NPHP4: variants seen among roughly 807,000 people sequenced by gnomAD.
The protein encoded by NPHP4 is nephrocystin-4.
In NPHP4, 151 loss-of-function variants were observed where a neutral mutation model predicts 155.8. The ratio of observed to expected loss-of-function variants is 0.97; its 90% CI spans 0.85 to 1.11. The LOEUF (loss-of-function observed/expected upper bound fraction) is 1.11, where lower values mean the gene tolerates loss of function less well. NPHP4 is among the 50% of genes least tolerant of loss of function. The pLI, the probability that NPHP4 is intolerant of heterozygous loss-of-function variation, is 0.00. For synonymous variants in NPHP4, 845 were observed against 816.8 expected (o/e 1.03, Z -0.59); for missense variants, 1,956 against 1,925.7 (o/e 1.02, Z -0.29).
At chr1:5,986,072 C>G in intron 2 of NPHP4, 83 bp downstream of exon 2, 1 of 1,489,492 alleles carries the variant, frequency 6.7e-7, no homozygotes, top group South Asian at 1.2e-5. Context: ...GCATCGTAAG[C>G]CAGGGACCAT....
chr1:5,983,169 G>C (rs1654985528), intron 2 of NPHP4, among the ~76,000 whole-genome samples: 1 of 152,192 alleles, frequency 6.6e-6, no homozygotes, highest in Non-Finnish European at 1.5e-5. Context: ...ATAATTGAGA[G>C]AAGAAGAGTT....
chr1:5,863,357 G>C lies in NPHP4; in HGVS notation c.4189C>G (p.Gln1397Glu). Residue 1397 changes from glutamine to glutamate, a missense_variant, in exon 30 of 30, where the codon CAG becomes GAG. Coordinates refer to ENST00000378156, the MANE Select transcript of NPHP4 (RefSeq NM_015102.5). ...AGGATCTCCTCCTCACCCACTCTCT[G>C]ACTAGGCGCAAACTGCAAGCCGATG... ...YTIGLQFAPS[Q>E]RVGEEEILIY... 1 of 1,613,958 alleles carries C rather than the reference G, an allele frequency of 6.2e-7. No homozygotes were observed. The highest frequency in any genetic ancestry group is 8.5e-7 in the Non-Finnish European group (1 of 1,179,860).
intron 7 of NPHP4, among the ~76,000 whole-genome samples, chr1:5,949,039 T>C (rs1376341222): frequency 6.6e-6 from 1 of 152,180 alleles, no homozygotes; most frequent in Non-Finnish European, 1.5e-5. Context: ...ATAACGAAAA[T>C]AAAACTATGC....
chr1:5,970,962 G>A (rs1231845715), intron 3 of NPHP4, among the ~76,000 whole-genome samples: 1 of 152,170 alleles, frequency 6.6e-6, no homozygotes, highest in Non-Finnish European at 1.5e-5. Flanking sequence ...TTGTTTCCAA[G>A]ACTCCAGAAC....
At position 5,868,270 on chromosome 1, in the gene NPHP4, C is replaced by A. The variant is rs1014982578; in HGVS notation, c.3316-374G>T. 4 of 363,636 alleles carry A rather than the reference C, an allele frequency of 1.1e-5. No individual in the cohort carries two copies. In the Admixed American group the frequency reaches 1.2e-4, roughly 10 times the overall value. The allele number at this position is 363,636 out of a possible 1,614,324, so 22.5% of individuals were successfully genotyped here. On this transcript the variant is annotated intron_variant, in intron 23 of 29. Transcript: ENST00000378156. ...CCTGTGTGCATGTGCGCAAGTCAGGCCAGGAGGTCCTGGAGTGGGTGGTGG... is the reference window on the plus strand; with the variant it reads ...CCTGTGTGCATGTGCGCAAGTCAGGACAGGAGGTCCTGGAGTGGGTGGTGG...
chr1:5,977,100 G>A (rs1018419524), intron 3 of NPHP4, among the ~76,000 whole-genome samples: 3 of 152,098 alleles, frequency 2.0e-5, no homozygotes, highest in African/African-American at 7.2e-5. Flanking sequence ...CACCCGTCGT[G>A]CTCAGACACC....
At chr1:5,953,069 GTTGTT>G (rs138949531) in intron 6 of NPHP4, among the ~76,000 whole-genome samples, 1,717 of 151,700 alleles carry the variant, frequency 0.011, 32 homozygotes, top group African/African-American at 0.039. Flanking sequence ...CAGTTTTTCT[GTTGTT>G]TTGTTTTTCA....
intron 7 of NPHP4, among the ~76,000 whole-genome samples, chr1:5,952,166 C>A (rs916515912): frequency 9.2e-5 from 14 of 152,296 alleles, no homozygotes; most frequent in African/African-American, 3.1e-4. Flanking sequence ...GCCGAGGGGA[C>A]AGTGAGTCTG....
chr1:5,868,443 G>A lies in NPHP4; in HGVS notation c.3316-547C>T, dbSNP rs572373536. On this transcript the variant is annotated intron_variant, in intron 23 of 29. Coordinates refer to ENST00000378156, the MANE Select transcript of NPHP4 (RefSeq NM_015102.5). ...CATTAAAAACCATATTGTCTGAAGA[G>A]GTATTAATTGGGACAACTGATAAAA... 3.7e-5 allele frequency: 9 copies of A among 242,124 alleles called. No homozygotes were observed. The East Asian group carries it at 7.4e-4, about 20-fold the overall frequency. The allele number at this position is 242,124 out of a possible 1,614,324, so 15.0% of individuals were successfully genotyped here.
chr1:5,950,903 T>C (rs997823209), intron 7 of NPHP4, among the ~76,000 whole-genome samples: 1 of 152,182 alleles, frequency 6.6e-6, no homozygotes, highest in African/African-American at 2.4e-5. Flanking sequence ...TAAATCCTGG[T>C]GCCCTCACAC....
chr1:5,933,946 G>A lies in NPHP4; in HGVS notation c.1120-617C>T, dbSNP rs575658790. The stretch of plus-strand genomic sequence containing the variant: ...TCTGCTTCTCTCTGGCTGGCCAAAT[G>A]GAAGGAATGAGGACACTGTGAAAAC... On this transcript the variant is annotated intron_variant, in intron 9 of 29. Transcript: ENST00000378156. 2.6e-5 allele frequency among the ~76,000 whole-genome samples: 4 copies of A among 152,254 alleles called. No homozygotes were observed. The South Asian group carries it at 8.3e-4, about 32-fold the overall frequency.
chr1:5,873,382 G>C, intron 22 of NPHP4, 47 bp from the exon 23 acceptor site: 1 of 1,486,916 alleles, frequency 6.7e-7, no homozygotes, highest in Non-Finnish European at 9.4e-7. Context: ...AACACCATTA[G>C]GCGACCAGCA....
intron 3 of NPHP4, among the ~76,000 whole-genome samples, chr1:5,977,185 C>T (rs962110165): frequency 6.6e-6 from 1 of 152,090 alleles, no homozygotes; most frequent in Non-Finnish European, 1.5e-5. Context: ...TCCATGACAT[C>T]GCCGGCTGTT....
At chr1:5,883,163 A>G (rs1040250553) in intron 18 of NPHP4, among the ~76,000 whole-genome samples, 2 of 152,208 alleles carry the variant, frequency 1.3e-5, no homozygotes, top group African/African-American at 4.8e-5. Context: ...AAAATGGCAG[A>G]CAAACAAGCA....
Position 5,872,984 on chromosome 1 carries a change from C to T in NPHP4, c.3315+268G>A, listed in dbSNP as rs532870481. On this transcript the variant is annotated intron_variant, in intron 23 of 29. Transcript: ENST00000378156. ...GCTGTGGCAGCCACCACGGGAACTGCGGCTTCACACCCGGAGAGCCCTGGG... is the reference window on the plus strand; with the variant it reads ...GCTGTGGCAGCCACCACGGGAACTGTGGCTTCACACCCGGAGAGCCCTGGG... Among the ~76,000 whole-genome samples, 20 of 152,340 alleles carry T rather than the reference C, an allele frequency of 1.3e-4. No individual in the cohort carries two copies. The East Asian group carries it at 2.1e-3, about 16-fold the overall frequency.
intron 11 of NPHP4, among the ~76,000 whole-genome samples, chr1:5,917,572 G>A (rs1470080102): frequency 2.6e-5 from 4 of 152,098 alleles, no homozygotes; most frequent in Non-Finnish European, 4.4e-5. Flanking sequence ...TTTGAGTCAG[G>A]TTTCTATCCC....
intron 18 of NPHP4, among the ~76,000 whole-genome samples, chr1:5,883,242 G>A (rs1261249349): frequency 6.6e-6 from 1 of 152,132 alleles, no homozygotes; most frequent in Non-Finnish European, 1.5e-5. Flanking sequence ...AGAGCTGCGG[G>A]CACCAGCACT....
rs756423361 is a variant in NPHP4, at chr1:5,909,194, A to AGGTACT, written c.1455_1460dup (p.Val486_Pro487dup). On this transcript the variant is annotated inframe_insertion, in exon 12 of 30. Coordinates refer to ENST00000378156, the MANE Select transcript of NPHP4 (RefSeq NM_015102.5). The stretch of plus-strand genomic sequence containing the variant: ...AGTTCTGCGGGGCAGCGAGAACTCG[A>AGGTACT]GGTACTGGCGCTGGCGGGCCTGGGA... 15 of 1,604,346 alleles carry AGGTACT rather than the reference A, an allele frequency of 9.3e-6. No individual in the cohort carries two copies. The highest frequency in any genetic ancestry group is 1.3e-5 in the Non-Finnish European group (15 of 1,175,796).
rs924949943 is a variant in NPHP4 at position 5,887,611 on chromosome 1, G to A, written c.2305-145C>T. The A allele has an allele frequency of 5.2e-5, 41 of 787,842 alleles. No homozygotes were observed. The African/African-American group carries it at 5.4e-4, about 10-fold the overall frequency. 48.8% of individuals were successfully genotyped at this position (787,842 alleles called of 1,614,324 possible). ...TGCGCAGGATAAGACCCTGCACCAC[G>A]CTGGGGGGTGAGGGGGCGGCGAGCC... is the stretch of plus-strand genomic sequence containing the variant. On this transcript the variant is annotated intron_variant, in intron 17 of 29. Coordinates refer to ENST00000378156, the MANE Select transcript of NPHP4 (RefSeq NM_015102.5).
Sources: allele counts gnomAD v4.1 joint callset (sites outside exome capture counted in the v4.1 genomes callset), GRCh38; gene constraint gnomAD v4.1.1; transcripts MANE v1.5; gene names NCBI Gene and HGNC (gene_info 2026-07-23, HGNC 2026-07-21).